LGR6: variants seen among roughly 807,000 people sequenced by gnomAD.
The protein encoded by LGR6 is leucine-rich repeat-containing G protein-coupled receptor 6.
Under a neutral mutation model 69.4 loss-of-function variants are expected in LGR6, and 45 were observed. That is an observed-to-expected ratio of 0.65 (90% CI 0.51 to 0.83). The LOEUF is 0.83. Ranked by LOEUF, LGR6 falls within the 40% of genes least tolerant of loss-of-function variation. The pLI, the probability that LGR6 is intolerant of heterozygous loss-of-function variation, is 0.00. For synonymous variants in LGR6, 538 were observed against 555.0 expected (o/e 0.97, Z 0.43); for missense variants, 1,108 against 1,246.7 (o/e 0.89, Z 1.68).
chr1:202,298,052 C>T (rs1244513918), intron 7 of LGR6, among the ~76,000 whole-genome samples: 1 of 152,182 alleles, frequency 6.6e-6, no homozygotes, highest in East Asian at 1.9e-4. Context: ...CCCAATGTAC[C>T]CTGCACTGTG....
intron 5 of LGR6, among the ~76,000 whole-genome samples, chr1:202,276,978 T>A (rs1665611815): frequency 6.6e-6 from 1 of 152,134 alleles, no homozygotes; most frequent in Admixed American, 6.5e-5. Flanking sequence ...TCACTTATAA[T>A]TAGACAGCAA....
In LGR6 at chr1:202,235,144, G is replaced by A. The variant is rs376163067; in HGVS notation, c.357-778G>A. On this transcript the variant is annotated intron_variant, in intron 3 of 17. Coordinates refer to ENST00000367278, the MANE Select transcript of LGR6 (RefSeq NM_001017403.2). The stretch of plus-strand genomic sequence containing the variant: ...CCTGGGGTTGGCTAGAGTCAGCAGT[G>A]CCACCTGGAGTGGCGCCCCAGGCCC... Among the ~76,000 whole-genome samples the A allele has an allele frequency of 2.7e-3, 415 of 152,290 alleles. 3 individuals are homozygous for A. Among genetic ancestry groups the A allele is most frequent in the Non-Finnish European group, 4.4e-3 (297 of 68,024 alleles).
intron 5 of LGR6, among the ~76,000 whole-genome samples, 157 bp downstream of exon 5, chr1:202,276,678 TC>T (rs1334987652): frequency 2.6e-5 from 4 of 152,204 alleles, no homozygotes; most frequent in African/African-American, 9.7e-5. Flanking sequence ...GGATGACCAT[TC>T]CCTGTTGATC....
intron 3 of LGR6, among the ~76,000 whole-genome samples, chr1:202,230,435 G>A (rs1380186864): frequency 1.3e-5 from 2 of 152,158 alleles, no homozygotes; most frequent in African/African-American, 2.4e-5. Context: ...AGCTGGCAAG[G>A]CCCAGACGCT....
chr1:202,275,640 C>T (rs1665483674), intron 4 of LGR6, among the ~76,000 whole-genome samples: 1 of 152,108 alleles, frequency 6.6e-6, no homozygotes. Flanking sequence ...TAGCAGGAGC[C>T]CCTTGCCCCC....
At chr1:202,265,845 G>A (rs1391857271) in intron 4 of LGR6, among the ~76,000 whole-genome samples, 1 of 152,220 alleles carries the variant, frequency 6.6e-6, no homozygotes, top group South Asian at 2.1e-4. Flanking sequence ...AAGTTTCAGG[G>A]AAAGAGGGGA....
rs761428584 is a variant in LGR6, at chr1:202,280,865, G to T, written c.716+13G>T. ...ATCTGGAGACACTGTGAGTTTTGAG[G>T]TCTTGGTCAAACTCTGTCCTGCCTG... On this transcript the variant is annotated intron_variant, in intron 6 of 17. Coordinates refer to ENST00000367278, the MANE Select transcript of LGR6 (RefSeq NM_001017403.2). The T allele has an allele frequency of 4.3e-6, 7 of 1,610,682 alleles. No homozygotes were observed. The African/African-American group carries it at 9.3e-5, about 22-fold the overall frequency.
intron 6 of LGR6, among the ~76,000 whole-genome samples, chr1:202,293,647 T>G (rs1666951041): frequency 6.6e-6 from 1 of 152,158 alleles, no homozygotes; most frequent in Non-Finnish European, 1.5e-5. Flanking sequence ...CCCTGGACAA[T>G]TAGAGCCACA....
chr1:202,295,851 T>C (rs1667113960), intron 6 of LGR6, among the ~76,000 whole-genome samples: 1 of 151,352 alleles, frequency 6.6e-6, no homozygotes, highest in Non-Finnish European at 1.5e-5. Context: ...CAGGGCAGTC[T>C]GAGGGTAATT....
At chr1:202,308,100 C>T (rs1268332639) in intron 14 of LGR6, among the ~76,000 whole-genome samples, 1 of 152,196 alleles carries the variant, frequency 6.6e-6, no homozygotes, top group African/African-American at 2.4e-5. Context: ...AGCTCCAGCC[C>T]TGGCCTCAGA....
intron 1 of LGR6, among the ~76,000 whole-genome samples, chr1:202,213,499 G>A (rs1659556577): frequency 1.3e-5 from 2 of 152,180 alleles, no homozygotes; most frequent in Non-Finnish European, 2.9e-5. Context: ...CTCACTTGGA[G>A]GCACCAGAGA....
At position 202,319,528 on chromosome 1, in the gene LGR6, G is replaced by C; in HGVS notation, c.*321G>C. 3.5e-6 allele frequency: 1 copy of C among 288,236 alleles called. No individual in the cohort carries two copies. The allele number at this position is 288,236 out of a possible 1,614,324, so 17.9% of individuals were successfully genotyped here. A position where few individuals can be genotyped will look rare whatever the true frequency, so the allele number is the denominator to read the frequency against. ...GAAGTAAAGACAGTGAAGGGGTGGA[G>C]GGTTGATCAGGGCACAGTGGACAGG... On this transcript the variant is annotated 3_prime_UTR_variant, in exon 18 of 18. Coordinates refer to ENST00000367278, the MANE Select transcript of LGR6 (RefSeq NM_001017403.2).
intron 1 of LGR6, among the ~76,000 whole-genome samples, chr1:202,223,477 G>A (rs1026539515): frequency 1.3e-5 from 2 of 152,084 alleles, no homozygotes; most frequent in African/African-American, 4.8e-5. Context: ...GCATTTCTTG[G>A]GGGGAAATGC....
At chr1:202,220,170 G>A (rs917624817) in intron 1 of LGR6, among the ~76,000 whole-genome samples, 8 of 149,734 alleles carry the variant, frequency 5.3e-5, no homozygotes, top group South Asian at 2.1e-4. Flanking sequence ...ATGAGCCACC[G>A]CGCCCGGCCA....
intron 4 of LGR6, among the ~76,000 whole-genome samples, chr1:202,252,334 C>T (rs150725667): frequency 3.6e-4 from 55 of 152,274 alleles, no homozygotes; most frequent in Non-Finnish European, 7.6e-4. Context: ...CAATACAGCC[C>T]TCTCCTCCTC....
At chr1:202,214,093 T>G in intron 1 of LGR6, 1 of 1,382,574 alleles carries the variant, frequency 7.2e-7, no homozygotes, top group South Asian at 1.7e-5. Context: ...CGAGAGAGGA[T>G]CAGCGCGGAG....
chr1:202,205,662 C>T (rs1194405419), intron 1 of LGR6, among the ~76,000 whole-genome samples: 1 of 144,218 alleles, frequency 6.9e-6, no homozygotes, highest in Admixed American at 6.9e-5. Context: ...ACACGCACAC[C>T]TCCCTCAAAC....
At chr1:202,269,083 T>C (rs1664896338) in intron 4 of LGR6, among the ~76,000 whole-genome samples, 1 of 152,086 alleles carries the variant, frequency 6.6e-6, no homozygotes, top group Admixed American at 6.6e-5. Flanking sequence ...TTTTAAATTT[T>C]TTTCTAGAGA....
chr1:202,246,750 G>A (rs1662741065), intron 4 of LGR6, among the ~76,000 whole-genome samples: 1 of 152,170 alleles, frequency 6.6e-6, no homozygotes, highest in South Asian at 2.1e-4. Context: ...TGAAAACCGG[G>A]TGAAGCCCAG....
Sources: gnomAD v4.1 joint callset for allele counts (sites outside exome capture counted in the v4.1 genomes callset) on GRCh38, gnomAD v4.1.1 for gene constraint, MANE v1.5 for transcripts, NCBI Gene and HGNC (gene_info 2026-07-23, HGNC 2026-07-21) for gene names.